The following RPUSD4 variants were observed in gnomAD, a reference collection of about 807,000 sequenced individuals.
The protein encoded by RPUSD4 is pseudouridylate synthase RPUSD4, mitochondrial.
In RPUSD4, 37 loss-of-function variants were observed where a neutral mutation model predicts 35.4. The ratio of observed to expected loss-of-function variants is 1.04; its 90% CI spans 0.80 to 1.37. The LOEUF is 1.37. Among genes scored for constraint, RPUSD4 ranks in the 40% most tolerant of loss-of-function variants. RPUSD4 has a pLI of 0.00. For synonymous variants in RPUSD4, 210 were observed against 192.7 expected (o/e 1.09, Z -0.74); for missense variants, 507 against 484.9 (o/e 1.05, Z -0.43).
intron 3 of RPUSD4, among the ~76,000 whole-genome samples, chr11:126,206,922 A>C (rs191317585): frequency 5.8e-4 from 88 of 152,304 alleles, no homozygotes; most frequent in African/African-American, 2.0e-3. Context: ...ACAACTCAAG[A>C]ATGTTCCATC....
intron 4 of RPUSD4, 24 bp downstream of exon 4, chr11:126,205,664 G>A: frequency 1.2e-6 from 2 of 1,613,100 alleles, no homozygotes; most frequent in African/African-American, 1.3e-5. Context: ...AGCAACCCAT[G>A]CCTCAGGGAG....
In RPUSD4 at chr11:126,209,529, C is replaced by T; in HGVS notation, c.549G>A (p.Lys183=). 1 of 1,614,220 alleles carries T rather than the reference C, an allele frequency of 6.2e-7. No homozygotes were observed. Among genetic ancestry groups the T allele is most frequent in the Non-Finnish European group, 8.5e-7 (1 of 1,180,024 alleles). Residue 183 remains lysine (K), a synonymous_variant, in exon 3 of 7, where the codon AAG becomes AAA. Transcript: ENST00000298317. ...ATCAGCAGGCCTCATACCAGTACTT[C>T]TTCACCACCTGACGGGTTCTAAACA... ...QELFRTRQVV[K]KYWAITVHVP...
At position 126,209,755 on chromosome 11, in the gene RPUSD4, C is replaced by T. The variant is rs1237277105; in HGVS notation, c.356-33G>A. On this transcript the variant is annotated intron_variant, in intron 2 of 6. Transcript: ENST00000298317. The stretch of plus-strand genomic sequence containing the variant: ...GGAAAAAGCCAAAGGTTTGAGCGGC[C>T]AGGAAAAGATCTCGCCAAAGAACTC... 1.9e-6 allele frequency: 3 copies of T among 1,581,400 alleles called. No homozygotes were observed. The Admixed American group carries it at 5.1e-5, about 27-fold the overall frequency.
intron 3 of RPUSD4, chr11:126,205,999 T>A (rs1480637786): frequency 2.4e-6 from 1 of 416,804 alleles, no homozygotes; most frequent in Non-Finnish European, 4.2e-6. Flanking sequence ...ATGCTAATTG[T>A]AGAATATTTG....
chr11:126,205,324 C>G, intron 5 of RPUSD4, 144 bp downstream of exon 5: 2 of 933,064 alleles, frequency 2.1e-6, no homozygotes, highest in Non-Finnish European at 3.2e-6. Flanking sequence ...AACCATCTCT[C>G]TGGGAGTCCC....
chr11:126,210,925 A>G lies in RPUSD4; in HGVS notation c.320T>C (p.Val107Ala), dbSNP rs756364169. The G allele has an allele frequency of 5.0e-6, 8 of 1,614,180 alleles. No homozygotes were observed. Among genetic ancestry groups the G allele is most frequent in the Non-Finnish European group, 5.9e-6 (7 of 1,180,028 alleles). Residue 107 changes from valine (V) to alanine (A), a missense_variant, in exon 2 of 7, where the codon GTG (valine) becomes GCG (alanine). Val to Ala is a moderately conservative substitution (Grantham distance 64, BLOSUM62 0). Coordinates refer to ENST00000298317, the MANE Select transcript of RPUSD4 (RefSeq NM_032795.3). ...RGILHQDKNL[V>A]VINKPYGLPV... ...GAGACCGTAGGGCTTATTGATGACC[A>G]CAAGGTTCTTGTCCTGGTGGAGAAT...
At chr11:126,207,797 C>A (rs1003016890) in intron 3 of RPUSD4, among the ~76,000 whole-genome samples, 2 of 151,984 alleles carry the variant, frequency 1.3e-5, no homozygotes, top group South Asian at 2.1e-4. Context: ...CAAGATTGTG[C>A]CACTGCCCTC....
rs75406177 is a variant in RPUSD4 at position 126,205,154 on chromosome 11, C to T, written c.796+314G>A. On this transcript the variant is annotated intron_variant, in intron 5 of 6. Transcript: ENST00000298317. ...CTTCACATTTTGTTGCTGTGAATAA[C>T]GCTGCTATGAATATGTGTGCAAATA... Among the ~76,000 whole-genome samples the T allele has an allele frequency of 4.3e-4, 65 of 152,308 alleles. No individual in the cohort carries two copies. The East Asian group carries it at 0.011, about 26-fold the overall frequency.
chr11:126,204,147 T>C, intron 6 of RPUSD4, 84 bp downstream of exon 6: 2 of 938,550 alleles, frequency 2.1e-6, no homozygotes, highest in South Asian at 1.4e-5. Flanking sequence ...GTAGGCTTTG[T>C]TGTAACTCAT....
At position 126,203,646 on chromosome 11, in the gene RPUSD4, C is replaced by A; in HGVS notation, c.906G>T (p.Val302=). Residue 302 remains valine, a synonymous_variant, in exon 7 of 7, where the codon GTG becomes GTT. Coordinates refer to ENST00000298317, the MANE Select transcript of RPUSD4 (RefSeq NM_032795.3). ...CTAGCCCCAGCTTCTTCAGGGTGCC[C>A]ACAGACAGCTTCTATACAAAGAAAG... The part of the protein sequence containing the change: ...WNRLAPQKLS[V]GTLKKLGLEQ... The A allele has an allele frequency of 6.2e-7, 1 of 1,612,544 alleles. No individual in the cohort carries two copies.
At chr11:126,204,378 A>G (rs777823769) in intron 5 of RPUSD4, 50 bp from the exon 6 acceptor site, 1 of 1,368,592 alleles carries the variant, frequency 7.3e-7, no homozygotes, top group South Asian at 1.2e-5. Context: ...GGAGCTACAG[A>G]AACAATACCA....
chr11:126,203,439 G>C lies in RPUSD4; in HGVS notation c.1113C>G (p.Ala371=). The C allele has an allele frequency of 1.2e-6, 2 of 1,613,694 alleles. No individual in the cohort carries two copies. Among genetic ancestry groups the C allele is most frequent in the African/African-American group, 1.3e-5 (1 of 75,046 alleles). ...PNEDQNENNE[A]KCLGAQ is the part of the protein sequence containing the mutation. ...GTCTTCACTGTGCTCCCAGACACTTGGCTTCATTGTTCTCATTTTGATCCT... is the reference window on the plus strand; with the variant it reads ...GTCTTCACTGTGCTCCCAGACACTTCGCTTCATTGTTCTCATTTTGATCCT... The change falls in exon 7 of 7, where the codon GCC becomes GCG. Residue 371 remains alanine (A), a synonymous_variant. Coordinates refer to ENST00000298317, the MANE Select transcript of RPUSD4 (RefSeq NM_032795.3).
At chr11:126,206,559 A>T (rs1318726076) in intron 3 of RPUSD4, 4 of 152,250 alleles carry the variant, frequency 2.6e-5, no homozygotes, top group Non-Finnish European at 4.4e-5. Context: ...TCCGTCTAAA[A>T]AAAGAAAGAA....
Position 126,203,401 on chromosome 11 carries a change from G to A in RPUSD4, c.*17C>T. On this transcript the variant is annotated 3_prime_UTR_variant, in exon 7 of 7. Transcript: ENST00000298317. ...GTCTTCACTGTGCTCCCAGGTGCCAGGGTGCTCCCATGGTCTTCACTGTGC... is the reference window on the plus strand; with the variant it reads ...GTCTTCACTGTGCTCCCAGGTGCCAAGGTGCTCCCATGGTCTTCACTGTGC... The A allele has an allele frequency of 6.2e-7, 1 of 1,608,472 alleles. No individual in the cohort carries two copies.
At position 126,205,583 on chromosome 11, in the gene RPUSD4, G is replaced by A. The variant is rs765293408; in HGVS notation, c.681C>T (p.Asp227=). The change falls in exon 5 of 7, where the codon GAC becomes GAT. Residue 227 remains aspartate, a synonymous_variant. Transcript: ENST00000298317. ...GCCGCACTTTCACCATTTTCCCATC[G>A]TCCATGCGGTAGCTCGGGGACAATG... is the stretch of plus-strand genomic sequence containing the variant. ...KMTLSPSYRM[D]DGKMVKVRRS... The A allele has an allele frequency of 5.6e-6, 9 of 1,614,030 alleles. No individual in the cohort carries two copies. The highest frequency in any genetic ancestry group is 4.5e-5 in the East Asian group (2 of 44,904).
At chr11:126,206,587 C>G (rs964465876) in intron 3 of RPUSD4, 1 of 152,168 alleles carries the variant, frequency 6.6e-6, no homozygotes, top group African/African-American at 2.4e-5. Flanking sequence ...ATAGGTACCA[C>G]AACCACAACT....
intron 5 of RPUSD4, among the ~76,000 whole-genome samples, 195 bp downstream of exon 5, chr11:126,205,273 A>G (rs1002324158): frequency 1.3e-5 from 2 of 152,200 alleles, no homozygotes; most frequent in Non-Finnish European, 2.9e-5. Flanking sequence ...CACAGTTTTA[A>G]ATAGAGGCAT....
At chr11:126,207,210 T>C (rs1487643972) in intron 3 of RPUSD4, among the ~76,000 whole-genome samples, 1 of 152,210 alleles carries the variant, frequency 6.6e-6, no homozygotes, top group Admixed American at 6.5e-5. Flanking sequence ...AAAACAAAGC[T>C]TATGGACATT....
At chr11:126,208,234 A>T (rs1949794574) in intron 3 of RPUSD4, among the ~76,000 whole-genome samples, 1 of 152,232 alleles carries the variant, frequency 6.6e-6, no homozygotes, top group African/African-American at 2.4e-5. Flanking sequence ...ACATTCACAT[A>T]TTCTTTGCAA....
Sources: gnomAD v4.1 joint callset for allele counts (sites outside exome capture counted in the v4.1 genomes callset) on GRCh38, gnomAD v4.1.1 for gene constraint, MANE v1.5 for transcripts, NCBI Gene and HGNC (gene_info 2026-07-23, HGNC 2026-07-21) for gene names.